Variants in SPIDR observed in about 807,000 individuals in gnomAD.
SPIDR encodes the protein DNA repair-scaffolding protein.
A neutral mutation model predicts 104.6 loss-of-function variants in SPIDR; 93 were observed. That is an observed-to-expected ratio of 0.89 (90% CI 0.75 to 1.06). SPIDR has a LOEUF of 1.06. Among genes scored for constraint, SPIDR ranks in the 50% least tolerant of loss-of-function variants. The pLI, the probability that SPIDR is intolerant of heterozygous loss-of-function variation, is 0.00. For synonymous variants in SPIDR, 431 were observed against 416.9 expected (o/e 1.03, Z -0.41); for missense variants, 1,154 against 1,111.2 (o/e 1.04, Z -0.55).
At chr8:47,470,956 G>T (rs80196854) in intron 8 of SPIDR, among the ~76,000 whole-genome samples, 1 of 152,030 alleles carries the variant, frequency 6.6e-6, no homozygotes, top group South Asian at 2.1e-4. Context: ...GGATGGTCTC[G>T]ATCTCCTGAC....
intron 8 of SPIDR, among the ~76,000 whole-genome samples, chr8:47,485,855 A>G (rs1554730788): frequency 6.6e-6 from 1 of 152,176 alleles, no homozygotes. Context: ...TCTATACATC[A>G]TCATCATCAA....
chr8:47,622,685 C>T (rs1328009640), intron 10 of SPIDR, among the ~76,000 whole-genome samples: 3 of 152,106 alleles, frequency 2.0e-5, no homozygotes, highest in African/African-American at 7.2e-5. Flanking sequence ...ATGGATGAGG[C>T]GAAAACCCTT....
At chr8:47,629,561 T>A (rs2066734504) in intron 10 of SPIDR, among the ~76,000 whole-genome samples, 1 of 152,202 alleles carries the variant, frequency 6.6e-6, no homozygotes. Context: ...GAGACCAGCC[T>A]GGCCAACATA....
At chr8:47,550,609 C>T (rs978073126) in intron 8 of SPIDR, among the ~76,000 whole-genome samples, 2 of 152,116 alleles carry the variant, frequency 1.3e-5, no homozygotes, top group Non-Finnish European at 2.9e-5. Context: ...GATTTTTGCA[C>T]ATTGATTTTG....
chr8:47,371,524 A>G (rs2058024668), intron 5 of SPIDR, among the ~76,000 whole-genome samples: 1 of 152,102 alleles, frequency 6.6e-6, no homozygotes, highest in Non-Finnish European at 1.5e-5. Flanking sequence ...AACTTCTCAT[A>G]TGCTCACATG....
At chr8:47,425,141 C>T (rs1265080729) in intron 7 of SPIDR, among the ~76,000 whole-genome samples, 1 of 152,030 alleles carries the variant, frequency 6.6e-6, no homozygotes, top group Non-Finnish European at 1.5e-5. Flanking sequence ...TATATATGCT[C>T]ATATTTCTGT....
chr8:47,588,456 T>C (rs1588111751), intron 8 of SPIDR, among the ~76,000 whole-genome samples: 1 of 152,234 alleles, frequency 6.6e-6, no homozygotes, highest in East Asian at 1.9e-4. Flanking sequence ...TTAATAGTTC[T>C]AGGAGTTATT....
chr8:47,330,675 T>C, intron 5 of SPIDR: 1 of 434,504 alleles, frequency 2.3e-6, no homozygotes, highest in East Asian at 7.1e-5. Flanking sequence ...CCATGTCTTT[T>C]CATAGCTTGA....
chr8:47,541,715 G>A (rs1347202667), intron 8 of SPIDR, among the ~76,000 whole-genome samples: 1 of 152,122 alleles, frequency 6.6e-6, no homozygotes, highest in East Asian at 1.9e-4. Context: ...TAGCCAACCT[G>A]GTGAAACCCC....
chr8:47,673,577 T>C (rs1211495396), intron 10 of SPIDR: 1 of 591,080 alleles, frequency 1.7e-6, no homozygotes, highest in Non-Finnish European at 3.0e-6. Flanking sequence ...ACAGAAAGGA[T>C]ATCTTGAATT....
At chr8:47,630,648 G>C (rs2066920394) in intron 10 of SPIDR, among the ~76,000 whole-genome samples, 1 of 152,130 alleles carries the variant, frequency 6.6e-6, no homozygotes, top group African/African-American at 2.4e-5. Flanking sequence ...CCTTTCCAGG[G>C]CAATAGGACT....
intron 10 of SPIDR, among the ~76,000 whole-genome samples, chr8:47,622,786 C>T (rs575207629): frequency 2.0e-5 from 3 of 152,264 alleles, no homozygotes; most frequent in East Asian, 3.9e-4. Flanking sequence ...TTTCAGTTGA[C>T]GTTGCAAGTA....
chr8:47,727,723 G>A (rs2084491548), intron 17 of SPIDR, among the ~76,000 whole-genome samples: 1 of 152,218 alleles, frequency 6.6e-6, no homozygotes, highest in Admixed American at 6.5e-5. Flanking sequence ...CAGGGTCTGG[G>A]CCAGTGTCAG....
chr8:47,630,279 G>A (rs921238302), intron 10 of SPIDR, among the ~76,000 whole-genome samples: 2 of 152,176 alleles, frequency 1.3e-5, no homozygotes, highest in African/African-American at 4.8e-5. Context: ...GGAAAAACAT[G>A]TAAAATATGA....
intron 8 of SPIDR, among the ~76,000 whole-genome samples, chr8:47,516,994 T>A (rs1447398879): frequency 1.3e-5 from 2 of 152,142 alleles, no homozygotes; most frequent in Non-Finnish European, 2.9e-5. Flanking sequence ...TTAATTGTGG[T>A]TTTGATTTGC....
intron 5 of SPIDR, among the ~76,000 whole-genome samples, chr8:47,331,967 T>TTTTTTTTTTTTTTTTTTTC (rs2048772574): frequency 1.9e-5 from 1 of 52,182 alleles, no homozygotes; most frequent in Admixed American, 1.5e-4. Context: ...TTTTTAAACT[T>TTTTTTTTTTTTTTTTTTTC]TTTTTTTTTT....
intron 8 of SPIDR, among the ~76,000 whole-genome samples, chr8:47,558,833 G>A (rs1201002155): frequency 2.6e-5 from 4 of 152,048 alleles, no homozygotes; most frequent in South Asian, 2.1e-4. Context: ...GTAGAGACAG[G>A]GTTTCACTGT....
At chr8:47,399,644 G>C (rs1423005362) in intron 6 of SPIDR, among the ~76,000 whole-genome samples, 2 of 152,182 alleles carry the variant, frequency 1.3e-5, no homozygotes, top group Non-Finnish European at 2.9e-5. Flanking sequence ...CTATCAGCCA[G>C]TGTGGATTCG....
chr8:47,655,521 T>G (rs1378151738), intron 10 of SPIDR, among the ~76,000 whole-genome samples: 1 of 152,238 alleles, frequency 6.6e-6, no homozygotes, highest in Non-Finnish European at 1.5e-5. Flanking sequence ...CATAAATGTC[T>G]TCTTTTGAGA....
Sources: allele counts gnomAD v4.1 joint callset (sites outside exome capture counted in the v4.1 genomes callset), GRCh38; gene constraint gnomAD v4.1.1; transcripts MANE v1.5; gene names NCBI Gene and HGNC (gene_info 2026-07-23, HGNC 2026-07-21).